GRB10: variants seen among roughly 807,000 people sequenced by gnomAD.
GRB10 encodes growth factor receptor bound protein 10, also known as growth factor receptor-bound protein 10.
A neutral mutation model predicts 80.9 loss-of-function variants in GRB10; 20 were observed. The observed-to-expected ratio is 0.25, with a 90% CI of 0.17 to 0.36. GRB10 has a LOEUF of 0.36. Among genes scored for constraint, GRB10 ranks in the 10% least tolerant of loss-of-function variants. GRB10 has a pLI of 1.00. For missense variants in GRB10, 548 were observed against 747.7 expected, an observed-to-expected ratio of 0.73 and a Z score of 3.12; for synonymous variants, 291 against 291.5, an observed-to-expected ratio of 1.00 and a Z score of 0.02.
Position 50,643,116 on chromosome 7 carries a change from G to A in GRB10, c.505-16138C>T, listed in dbSNP as rs562131574. ...CAACCAGATGCAGGTGGAAAATAGAGTCTTGGTGGTATTTGAAACCTGTGT... is the reference window on the plus strand; with the variant it reads ...CAACCAGATGCAGGTGGAAAATAGAATCTTGGTGGTATTTGAAACCTGTGT... On this transcript the variant is annotated intron_variant, in intron 7 of 18. Coordinates refer to ENST00000401949, the MANE Select transcript of GRB10 (RefSeq NM_001350814.2). 9.2e-5 allele frequency among the ~76,000 whole-genome samples: 14 copies of A among 152,316 alleles called. No homozygotes were observed. In the East Asian group the frequency reaches 2.5e-3, roughly 27 times the overall value.
At position 50,742,010 on chromosome 7, in the gene GRB10, C is replaced by CA. The variant is rs566207137; in HGVS notation, c.-46-9643dup. Among the ~76,000 whole-genome samples, 645 of 135,834 alleles carry CA rather than the reference C, an allele frequency of 4.7e-3. 7 individuals are homozygous for CA. Among genetic ancestry groups the CA allele is most frequent in the South Asian group, 0.02 (87 of 4,268 alleles). The allele number at this position is 135,834 out of a possible 152,430, so 89.1% of individuals were successfully genotyped here. The stretch of plus-strand genomic sequence containing the variant: ...AACATTACTGAAATTTTAATTTTTA[C>CA]AAAAAAAAAAACCCAAATCAGAATC... On this transcript the variant is annotated intron_variant, in intron 3 of 18. Transcript: ENST00000401949.
At chr7:50,666,367 G>A (rs547441421) in intron 7 of GRB10, among the ~76,000 whole-genome samples, 2 of 152,324 alleles carry the variant, frequency 1.3e-5, no homozygotes, top group African/African-American at 2.4e-5. Context: ...TGGAGGAATC[G>A]CGTGCTGTTG....
chr7:50,778,117 A>G (rs1275146035), intron 2 of GRB10, among the ~76,000 whole-genome samples: 1 of 152,162 alleles, frequency 6.6e-6, no homozygotes, highest in Non-Finnish European at 1.5e-5. Flanking sequence ...TCAGCACAAG[A>G]GGGGTTCTAA....
rs529608563 is a variant in GRB10, at chr7:50,605,451, C to T, written c.1273-45G>A. On this transcript the variant is annotated intron_variant, in intron 14 of 18. Coordinates refer to ENST00000401949, the MANE Select transcript of GRB10 (RefSeq NM_001350814.2). ...GTTCTTAAAATGCAGGGAAATAAGG[C>T]AGAGTGGAGTCTTGGCATGAAACTA... The T allele has an allele frequency of 2.8e-6, 4 of 1,439,836 alleles. No individual in the cohort carries two copies. The African/African-American group carries it at 5.6e-5, about 20-fold the overall frequency. The allele number at this position is 1,439,836 out of a possible 1,614,324, so 89.2% of individuals were successfully genotyped here.
intron 6 of GRB10, among the ~76,000 whole-genome samples, chr7:50,670,892 C>A (rs933247201): frequency 6.6e-6 from 1 of 152,194 alleles, no homozygotes; most frequent in Admixed American, 6.5e-5. Flanking sequence ...CTTGGAAACA[C>A]ACGCTGAATC....
intron 3 of GRB10, chr7:50,747,467 G>A (rs2073160957): frequency 6.6e-6 from 1 of 152,168 alleles, no homozygotes; most frequent in South Asian, 2.1e-4. Context: ...GAGGAAAAGT[G>A]GGGTGAAGCA....
chr7:50,693,250 T>C (rs980895576), intron 5 of GRB10, among the ~76,000 whole-genome samples: 5 of 152,206 alleles, frequency 3.3e-5, no homozygotes, highest in Admixed American at 6.5e-5. Flanking sequence ...TTGATCTATT[T>C]TACCTTCTCT....
chr7:50,637,551 CACAA>C (rs1031361905), intron 7 of GRB10, among the ~76,000 whole-genome samples: 8 of 152,026 alleles, frequency 5.3e-5, no homozygotes, highest in African/African-American at 1.9e-4. Context: ...TCATAGATGG[CACAA>C]ACAAATGGAA....
Position 50,782,192 on chromosome 7 carries a change from A to AT in GRB10, c.-327+231dup, listed in dbSNP as rs2078356050. ...AACAATTAAGATTAAAAATGGTTAC[A>AT]TAATACTGTCCTATGGCTGGCGGCA... On this transcript the variant is annotated intron_variant, in intron 1 of 18. Transcript: ENST00000401949. This position sits in a 1 kb window ranked among gnomAD's most constrained non-coding sequence, Gnocchi z 6.6. Among the ~76,000 whole-genome samples, 1 of 152,202 alleles carries AT rather than the reference A, an allele frequency of 6.6e-6. No individual in the cohort carries two copies.
At chr7:50,741,575 A>C (rs1328388953) in intron 3 of GRB10, among the ~76,000 whole-genome samples, 1 of 151,564 alleles carries the variant, frequency 6.6e-6, no homozygotes, top group South Asian at 2.1e-4. Context: ...AAAAAAAAAA[A>C]CGAAGGCACT....
At chr7:50,643,383 TG>T (rs1053424605) in intron 7 of GRB10, among the ~76,000 whole-genome samples, 4 of 152,182 alleles carry the variant, frequency 2.6e-5, no homozygotes, top group African/African-American at 9.7e-5. Flanking sequence ...GTGGACCAGA[TG>T]GGACTCCAAG....
chr7:50,752,219 G>T (rs2074231979), intron 3 of GRB10, among the ~76,000 whole-genome samples: 1 of 152,040 alleles, frequency 6.6e-6, no homozygotes. Context: ...AGTTATTAGG[G>T]GGGAAAAAAT....
intron 3 of GRB10, among the ~76,000 whole-genome samples, chr7:50,734,393 G>A (rs781139185): frequency 1.6e-4 from 24 of 152,260 alleles, no homozygotes; most frequent in Non-Finnish European, 3.4e-4. Flanking sequence ...GGGAGAGGAA[G>A]GAGTGTCCTC....
At chr7:50,756,540 T>G (rs1170317196) in intron 2 of GRB10, among the ~76,000 whole-genome samples, 2 of 152,240 alleles carry the variant, frequency 1.3e-5, no homozygotes, top group Non-Finnish European at 2.9e-5. Flanking sequence ...GCACTCTGCA[T>G]GGAGCACATG....
chr7:50,771,899 C>T (rs1343891854), intron 2 of GRB10, among the ~76,000 whole-genome samples: 1 of 152,224 alleles, frequency 6.6e-6, no homozygotes, highest in African/African-American at 2.4e-5. Flanking sequence ...TTCATCATAT[C>T]TATTGTTTCA....
rs201664871 is a variant in GRB10, at chr7:50,732,352, T to A, written c.-30A>T. 1.7e-3 allele frequency: 2,678 copies of A among 1,604,666 alleles called. 2 individuals are homozygous for A. Among genetic ancestry groups the A allele is most frequent in the Non-Finnish European group, 2.1e-3 (2,495 of 1,171,588 alleles). On this transcript the variant is annotated 5_prime_UTR_variant, in exon 4 of 19. Transcript: ENST00000401949. Reference sequence around the variant, plus strand: ...TCCTTCTGCCTTCTTCAAATTACATTTACTGCGCTGCAGCACCTGGAATAA... The same window carrying A: ...TCCTTCTGCCTTCTTCAAATTACATATACTGCGCTGCAGCACCTGGAATAA...
intron 2 of GRB10, among the ~76,000 whole-genome samples, chr7:50,759,069 T>G (rs2075429786): frequency 6.6e-6 from 1 of 151,832 alleles, no homozygotes; most frequent in African/African-American, 2.4e-5. Flanking sequence ...GGTGGGTGAC[T>G]GTAGTCCCAG....
chr7:50,614,921 A>C, intron 11 of GRB10, 41 bp from the exon 12 acceptor site: 2 of 1,302,106 alleles, frequency 1.5e-6, no homozygotes, highest in Non-Finnish European at 2.2e-6. Context: ...AAGCACAGCA[A>C]AGAGCAAATG....
chr7:50,725,176 G>A (rs948060114), intron 4 of GRB10, among the ~76,000 whole-genome samples: 7 of 152,158 alleles, frequency 4.6e-5, no homozygotes, highest in African/African-American at 1.2e-4. Context: ...GGTAGGTGAC[G>A]GGATCACAGG....
Sources: allele counts gnomAD v4.1 joint callset (sites outside exome capture counted in the v4.1 genomes callset), GRCh38; gene constraint gnomAD v4.1.1; non-coding constraint Gnocchi (gnomAD v3.1); transcripts MANE v1.5; gene names NCBI Gene and HGNC (gene_info 2026-07-23, HGNC 2026-07-21).